LAMB1: variants seen among roughly 807,000 people sequenced by gnomAD.
The protein encoded by LAMB1 is laminin subunit beta 1.
A neutral mutation model predicts 222.3 loss-of-function variants in LAMB1; 121 were observed. That is an observed-to-expected ratio of 0.54 (90% CI 0.47 to 0.63). The LOEUF is 0.63. LAMB1 is among the 30% of genes least tolerant of loss of function. LAMB1 has a pLI of 0.00. For missense variants in LAMB1, 2,172 were observed against 2,240.8 expected, an observed-to-expected ratio of 0.97 and a Z score of 0.62; for synonymous variants, 794 against 807.2, an observed-to-expected ratio of 0.98 and a Z score of 0.28.
At chr7:107,926,728 G>A (rs1261704095) in intron 31 of LAMB1, among the ~76,000 whole-genome samples, 2 of 152,182 alleles carry the variant, frequency 1.3e-5, no homozygotes, top group Admixed American at 6.5e-5. Context: ...GCAGCTGTGC[G>A]AAGAGGGATT....
intron 4 of LAMB1, among the ~76,000 whole-genome samples, chr7:107,996,134 T>C (rs1468699129): frequency 6.6e-6 from 1 of 152,208 alleles, no homozygotes; most frequent in Non-Finnish European, 1.5e-5. Context: ...CTTCCAGGCT[T>C]TTAAAAACCT....
chr7:107,939,373 A>G (rs1010951140), intron 25 of LAMB1, among the ~76,000 whole-genome samples: 2 of 152,160 alleles, frequency 1.3e-5, no homozygotes, highest in South Asian at 4.1e-4. Context: ...ACTTTTCAGC[A>G]TAGAGCAGCT....
chr7:107,986,190 G>C lies in LAMB1; in HGVS notation c.597C>G (p.Pro199=). The C allele has an allele frequency of 1.2e-6, 2 of 1,613,998 alleles. No individual in the cohort carries two copies. Among genetic ancestry groups the C allele is most frequent in the Non-Finnish European group, 1.7e-6 (2 of 1,179,904 alleles). Residue 199 remains proline (P), a synonymous_variant, in exon 6 of 34, where the codon CCC becomes CCG. Transcript: ENST00000222399. Reference sequence around the variant, plus strand: ...GCAAACAAACCTCTCCTTCAGTTGAGGGTTCAATGTCAGAATATCGAGAAT... The same window carrying C: ...GCAAACAAACCTCTCCTTCAGTTGACGGTTCAATGTCAGAATATCGAGAAT... ...ICDSRYSDIE[P]STEGEVIFRA...
chr7:107,926,151 A>G, intron 32 of LAMB1, 32 bp downstream of exon 32: 1 of 1,588,104 alleles, frequency 6.3e-7, no homozygotes, highest in Middle Eastern at 1.7e-4. Context: ...TCCTTTAACA[A>G]CATAGCTCTG....
chr7:107,974,629 T>C (rs1392264437), intron 12 of LAMB1, among the ~76,000 whole-genome samples: 1 of 152,228 alleles, frequency 6.6e-6, no homozygotes, highest in Non-Finnish European at 1.5e-5. Context: ...GCTACTGATA[T>C]GTATCTCCAA....
rs1404525798 is a variant in LAMB1, at chr7:107,952,128, T to C, written c.3175A>G (p.Asn1059Asp). Reference sequence around the variant, plus strand: ...CGGTCACAGTTCTGCCCGATCACATTAGGAAGACACAAGCACTGACCAGTG... The same window carrying C: ...CGGTCACAGTTCTGCCCGATCACATCAGGAAGACACAAGCACTGACCAGTG... ...KATGQCLCLP[N>D]VIGQNCDRCA... The change falls in exon 23 of 34, where the codon AAT (asparagine) becomes GAT (aspartate). Residue 1059 changes from asparagine to aspartate, a missense_variant. Asn to Asp is a conservative substitution (Grantham distance 23). Coordinates refer to ENST00000222399, the MANE Select transcript of LAMB1 (RefSeq NM_002291.3). The C allele has an allele frequency of 6.2e-7, 1 of 1,614,054 alleles. No individual in the cohort carries two copies. The highest frequency in any genetic ancestry group is 2.2e-5 in the East Asian group (1 of 44,888).
At chr7:107,983,946 G>A (rs2034022866) in intron 7 of LAMB1, among the ~76,000 whole-genome samples, 2 of 152,140 alleles carry the variant, frequency 1.3e-5, no homozygotes, top group Admixed American at 1.3e-4. Context: ...AGATCTGACT[G>A]CCATTTAATA....
At chr7:107,946,920 C>T (rs190012963) in intron 24 of LAMB1, among the ~76,000 whole-genome samples, 2 of 152,316 alleles carry the variant, frequency 1.3e-5, no homozygotes, top group African/African-American at 4.8e-5. Flanking sequence ...CCACATTTAC[C>T]GTTTGCCTGG....
At chr7:107,950,605 A>G (rs969374950) in intron 24 of LAMB1, among the ~76,000 whole-genome samples, 1 of 152,180 alleles carries the variant, frequency 6.6e-6, no homozygotes, top group Non-Finnish European at 1.5e-5. Flanking sequence ...TTTTATTCAC[A>G]TTAAACTGAC....
chr7:107,932,160 A>G lies in LAMB1; in HGVS notation c.4392+14T>C, dbSNP rs1220517118. On this transcript the variant is annotated intron_variant, in intron 28 of 33. Coordinates refer to ENST00000222399, the MANE Select transcript of LAMB1 (RefSeq NM_002291.3). ...AACATACATAACAAAAACTGAGGCC[A>G]TCCACTGAGTTACCATCTTGGAGAG... The G allele has an allele frequency of 2.5e-6, 4 of 1,613,300 alleles. No homozygotes were observed. The East Asian group carries it at 6.7e-5, about 27-fold the overall frequency.
Position 107,962,984 on chromosome 7 carries a change from T to C in LAMB1, c.1778A>G (p.Glu593Gly). 6.2e-7 allele frequency: 1 copy of C among 1,614,058 alleles called. No homozygotes were observed. The highest frequency in any genetic ancestry group is 8.5e-7 in the Non-Finnish European group (1 of 1,179,976). Residue 593 changes from glutamate (E) to glycine (G), a missense_variant, in exon 15 of 34, where the codon GAA becomes GGA. Coordinates refer to ENST00000222399, the MANE Select transcript of LAMB1 (RefSeq NM_002291.3). The part of the protein sequence containing the change: ...WTGAGFVRVP[E>G]GAYLEFFIDN... The stretch of plus-strand genomic sequence containing the variant: ...AATGAAAAACTCCAAATAAGCCCCT[T>C]CAGGCACTCGGACGAAGCCGGCTCC...
intron 15 of LAMB1, among the ~76,000 whole-genome samples, chr7:107,962,198 C>T (rs747565193): frequency 1.3e-5 from 2 of 152,320 alleles, no homozygotes; most frequent in East Asian, 1.9e-4. Flanking sequence ...AGCCCTGGCT[C>T]GGGCTGGCTG....
rs1188420403 is a variant in LAMB1 at position 107,937,174 on chromosome 7, G to A, written c.3865C>T (p.Gln1289Ter). The change falls in exon 26 of 34, where the codon CAG becomes TAG. Residue 1289 changes from glutamine to a stop codon, truncating the protein, a stop_gained. Transcript: ENST00000222399. LOFTEE classifies it high-confidence loss of function. ...TTGTCTAGGCTTTCGGCTTCTGTCT[G>A]TAGAGAATCCAGTTCTTTGGCTGTG... Reference protein sequence around the residue: ...NSTAKELDSLQTEAESLDNTV... With the variant: ...NSTAKELDSL The A allele has an allele frequency of 1.2e-6, 2 of 1,614,018 alleles. No homozygotes were observed. Among genetic ancestry groups the A allele is most frequent in the Non-Finnish European group, 1.7e-6 (2 of 1,179,906 alleles).
intron 7 of LAMB1, among the ~76,000 whole-genome samples, chr7:107,984,192 G>A (rs969602549): frequency 1.3e-5 from 2 of 152,046 alleles, no homozygotes; most frequent in African/African-American, 2.4e-5. Context: ...GTATAGCCAC[G>A]TGACTAATTC....
intron 31 of LAMB1, among the ~76,000 whole-genome samples, chr7:107,927,921 T>C (rs562037459): frequency 1.3e-5 from 2 of 152,344 alleles, no homozygotes; most frequent in African/African-American, 4.8e-5. Flanking sequence ...TCCCAGGTTT[T>C]AAACACATGG....
chr7:107,960,241 AT>A (rs2150427750), intron 18 of LAMB1, among the ~76,000 whole-genome samples: 1 of 152,220 alleles, frequency 6.6e-6, no homozygotes, highest in African/African-American at 2.4e-5. Context: ...TTATTTGCAT[AT>A]TTCTTGAATA....
At position 107,973,082 on chromosome 7, in the gene LAMB1, A is replaced by G. The variant is rs1163861272; in HGVS notation, c.1483-11T>C. Reference sequence around the variant, plus strand: ...GCCCCAGTGCTCTGGCTGCAGAACAAAACGTGAAACATGTAACGGTAGGTT... The same window carrying G: ...GCCCCAGTGCTCTGGCTGCAGAACAGAACGTGAAACATGTAACGGTAGGTT... On this transcript the variant is annotated splice_polypyrimidine_tract_variant and intron_variant, in intron 12 of 33. Transcript: ENST00000222399. The G allele has an allele frequency of 1.2e-6, 2 of 1,610,384 alleles. No individual in the cohort carries two copies. Among genetic ancestry groups the G allele is most frequent in the Non-Finnish European group, 1.7e-6 (2 of 1,176,616 alleles).
chr7:107,969,145 G>A (rs369187077), intron 13 of LAMB1, among the ~76,000 whole-genome samples: 13 of 152,152 alleles, frequency 8.5e-5, no homozygotes, highest in East Asian at 5.8e-4. Context: ...AAAATTAGCC[G>A]GGCATGGTGG....
chr7:107,984,019 G>A (rs1239229944), intron 7 of LAMB1, among the ~76,000 whole-genome samples: 7 of 152,062 alleles, frequency 4.6e-5, no homozygotes, highest in African/African-American at 7.2e-5. Context: ...TCTATTAAAC[G>A]GAAATGCAAC....
Sources: allele counts gnomAD v4.1 joint callset (sites outside exome capture counted in the v4.1 genomes callset), GRCh38; gene constraint gnomAD v4.1.1; transcripts MANE v1.5; gene names NCBI Gene and HGNC (gene_info 2026-07-23, HGNC 2026-07-21).